The following AFDN variants were observed in gnomAD, a reference collection of about 807,000 sequenced individuals.
AFDN encodes the protein afadin, adherens junction formation factor, also known as afadin.
A neutral mutation model predicts 216.6 loss-of-function variants in AFDN; 68 were observed. That is an observed-to-expected ratio of 0.31 (90% confidence interval 0.26 to 0.38). The LOEUF (loss-of-function observed/expected upper bound fraction) is 0.38. Ranked by LOEUF, AFDN falls within the 10% of genes least tolerant of loss-of-function variation. AFDN has a pLI of 1.00. For missense variants in AFDN, 2,136 were observed against 2,342.0 expected, an observed-to-expected ratio of 0.91 and a Z score of 1.82; for synonymous variants, 868 against 853.7, an observed-to-expected ratio of 1.02 and a Z score of -0.29.
At chr6:167,868,919 C>T (rs752986475) in intron 2 of AFDN, among the ~76,000 whole-genome samples, 2 of 151,796 alleles carry the variant, frequency 1.3e-5, no homozygotes, top group East Asian at 1.9e-4. Context: ...CACACCACCA[C>T]ACCCGGCTAA....
intron 23 of AFDN, 45 bp downstream of exon 23, chr6:167,925,136 G>C (rs1479834343): frequency 1.5e-6 from 2 of 1,374,006 alleles, no homozygotes; most frequent in Non-Finnish European, 2.1e-6. Flanking sequence ...CAGTCTTTCG[G>C]CATTGAATCA....
chr6:167,844,051 T>C (rs2128139399), intron 1 of AFDN, among the ~76,000 whole-genome samples: 1 of 152,280 alleles, frequency 6.6e-6, no homozygotes, highest in East Asian at 1.9e-4. Flanking sequence ...TTTTTTGAAT[T>C]GAGTCTGTAG....
At chr6:167,960,094 T>G (rs1447204067) in intron 30 of AFDN, among the ~76,000 whole-genome samples, 1 of 152,244 alleles carries the variant, frequency 6.6e-6, no homozygotes, top group Non-Finnish European at 1.5e-5. Flanking sequence ...TTTAAGCTAT[T>G]ATTTTGAGTA....
At chr6:167,881,742 C>A (rs1402643507) in intron 6 of AFDN, among the ~76,000 whole-genome samples, 5 of 152,140 alleles carry the variant, frequency 3.3e-5, no homozygotes, top group Non-Finnish European at 7.4e-5. Context: ...TTGGAGGTAA[C>A]AGGAGTAGCA....
chr6:167,847,917 G>A (rs770310831), intron 1 of AFDN, among the ~76,000 whole-genome samples: 2 of 151,784 alleles, frequency 1.3e-5, no homozygotes, highest in Admixed American at 6.6e-5. Flanking sequence ...TCCTAATACC[G>A]TTTTTTCACT....
At chr6:167,868,416 G>A (rs1022035717) in intron 2 of AFDN, among the ~76,000 whole-genome samples, 1 of 152,128 alleles carries the variant, frequency 6.6e-6, no homozygotes, top group Non-Finnish European at 1.5e-5. Context: ...ACAGCATTTG[G>A]AGACCTTTGT....
rs140509375 is a variant in AFDN at position 167,951,214 on chromosome 6, G to A, written c.3860G>A (p.Arg1287Gln). The A allele has an allele frequency of 1.5e-5, 24 of 1,568,480 alleles. No individual in the cohort carries two copies. Among genetic ancestry groups the A allele is most frequent in the African/African-American group, 6.9e-5 (5 of 72,714 alleles). Residue 1287 changes from arginine (R) to glutamine (Q), a missense_variant, in exon 30 of 34, where the codon CGA (arginine) becomes CAA (glutamine). Coordinates refer to ENST00000683244, the MANE Select transcript of AFDN (RefSeq NM_001386888.1). The surrounding 1 kb of genome is among the most constrained non-coding windows in gnomAD (Gnocchi z 7.1). ...QRVTRSQEEL[R>Q]EDKAYQLERH... Reference sequence around the variant, plus strand: ...GTTACACGTTCCCAAGAAGAACTTCGAGAAGATAAAGCTTACCAACTTGAG... The same window carrying A: ...GTTACACGTTCCCAAGAAGAACTTCAAGAAGATAAAGCTTACCAACTTGAG...
chr6:167,964,415 G>T, intron 31 of AFDN: 1 of 1,064,984 alleles, frequency 9.4e-7, no homozygotes, highest in Non-Finnish European at 1.1e-6. Flanking sequence ...GCCACAAGAA[G>T]TCATTCTGGT....
At chr6:167,959,182 C>T (rs936032094) in intron 30 of AFDN, among the ~76,000 whole-genome samples, 3 of 152,180 alleles carry the variant, frequency 2.0e-5, no homozygotes, top group Non-Finnish European at 4.4e-5. Context: ...ACCAGCTAAG[C>T]TCTAGATCTT....
intron 30 of AFDN, among the ~76,000 whole-genome samples, chr6:167,961,327 G>C (rs969750799): frequency 5.3e-5 from 8 of 152,230 alleles, no homozygotes; most frequent in Non-Finnish European, 1.0e-4. Context: ...GTCTATACCA[G>C]ATAAGAAGTA....
At chr6:167,867,527 T>G (rs1784320754) in intron 2 of AFDN, among the ~76,000 whole-genome samples, 1 of 151,832 alleles carries the variant, frequency 6.6e-6, no homozygotes, top group African/African-American at 2.4e-5. Context: ...CCTCCCGGGT[T>G]CACGCGATTC....
At chr6:167,910,086 GA>G (rs1790198724) in intron 13 of AFDN, among the ~76,000 whole-genome samples, 1 of 152,258 alleles carries the variant, frequency 6.6e-6, no homozygotes, top group South Asian at 2.1e-4. Context: ...TATTCATTGA[GA>G]AAAGCATAAA....
chr6:167,927,257 T>C (rs1792673329), intron 23 of AFDN, among the ~76,000 whole-genome samples: 3 of 151,850 alleles, frequency 2.0e-5, no homozygotes, highest in Admixed American at 1.3e-4. Flanking sequence ...CAGACATAAT[T>C]GGGATAAAGG....
At chr6:167,944,137 T>C in intron 26 of AFDN, 78 bp downstream of exon 26, 1 of 1,077,274 alleles carries the variant, frequency 9.3e-7, no homozygotes, top group Non-Finnish European at 1.4e-6. Flanking sequence ...ATGGAGGAGG[T>C]ACTGGTGTTA....
chr6:167,905,601 C>A (rs762774137), intron 12 of AFDN, among the ~76,000 whole-genome samples: 3 of 152,084 alleles, frequency 2.0e-5, no homozygotes, highest in Non-Finnish European at 2.9e-5. Flanking sequence ...TCCACACACA[C>A]CTTTCTTGCT....
Position 167,914,579 on chromosome 6 carries a change from GAT to G in AFDN, c.2205-63_2205-62del, listed in dbSNP as rs2128468058. The G allele has an allele frequency of 4.1e-6, 5 of 1,212,740 alleles. No individual in the cohort carries two copies. The South Asian group carries it at 5.1e-5, about 12-fold the overall frequency. The allele number at this position is 1,212,740 out of a possible 1,614,324, so 75.1% of individuals were successfully genotyped here. On this transcript the variant is annotated intron_variant, in intron 17 of 33. Transcript: ENST00000683244. ...TAAGAGTCCAGATTGTTTCCCATGT[GAT>G]AACATGTCTGACAATAGCTGTCTGT...
intron 31 of AFDN, chr6:167,963,906 G>C: frequency 1.9e-6 from 2 of 1,064,640 alleles, no homozygotes; most frequent in Non-Finnish European, 2.3e-6. Flanking sequence ...GCTGCTTGGA[G>C]GGCTGTGCTT....
chr6:167,838,669 A>T (rs1780716611), intron 1 of AFDN, among the ~76,000 whole-genome samples: 1 of 152,260 alleles, frequency 6.6e-6, no homozygotes, highest in Non-Finnish European at 1.5e-5. Flanking sequence ...TCTCAGACAC[A>T]GTGGCCTGTT....
rs1241089600 is a variant in AFDN, at chr6:167,898,333, G to A, written c.1446G>A (p.Met482Ile). The A allele has an allele frequency of 1.2e-6, 2 of 1,614,152 alleles. No individual in the cohort carries two copies. The highest frequency in any genetic ancestry group is 1.7e-6 in the Non-Finnish European group (2 of 1,180,026). ...VEGQRISETT[M>I]LQSGMKVQFG... ...GCCAGCGCATCTCAGAAACCACCATGCTGCAGAGTGGCATGAAAGTGCAGT... is the reference window on the plus strand; with the variant it reads ...GCCAGCGCATCTCAGAAACCACCATACTGCAGAGTGGCATGAAAGTGCAGT... Residue 482 changes from methionine to isoleucine, a missense_variant, in exon 11 of 34, where the codon ATG becomes ATA. Coordinates refer to ENST00000683244, the MANE Select transcript of AFDN (RefSeq NM_001386888.1).
Sources: gnomAD v4.1 joint callset for allele counts (sites outside exome capture counted in the v4.1 genomes callset) on GRCh38, gnomAD v4.1.1 for gene constraint, Gnocchi (gnomAD v3.1) non-coding constraint, MANE v1.5 for transcripts, NCBI Gene and HGNC (gene_info 2026-07-23, HGNC 2026-07-21) for gene names.